Variants in DIP2A observed in about 807,000 individuals in gnomAD.
DIP2A encodes the protein DIP2 acetate--CoA ligase A.
Under a neutral mutation model 177.4 loss-of-function variants are expected in DIP2A, and 85 were observed. The ratio of observed to expected loss-of-function variants is 0.48; its 90% confidence interval spans 0.40 to 0.57. The LOEUF (loss-of-function observed/expected upper bound fraction) is 0.57, where lower values mean the gene tolerates loss of function less well. Among genes scored for constraint, DIP2A ranks in the 20% least tolerant of loss-of-function variants. The pLI, the probability that DIP2A is intolerant of heterozygous loss-of-function variation, is 0.00. For synonymous variants in DIP2A, 886 were observed against 881.8 expected (o/e 1.00, Z -0.08); for missense variants, 1,791 against 2,100.2 (o/e 0.85, Z 2.88).
chr21:46,566,730 TC>T (rs755968392), intron 37 of DIP2A, 47 bp downstream of exon 37: 5 of 1,610,808 alleles, frequency 3.1e-6, no homozygotes, highest in Non-Finnish European at 3.4e-6. Context: ...CTCCAGCCCT[TC>T]CTCTGGGCAT....
At position 46,551,653 on chromosome 21, in the gene DIP2A, G is replaced by A. The variant is rs1375299606; in HGVS notation, c.2859G>A (p.Met953Ile). 2.5e-6 allele frequency: 4 copies of A among 1,613,998 alleles called. No homozygotes were observed. The highest frequency in any genetic ancestry group is 3.4e-6 in the Non-Finnish European group (4 of 1,179,892). The change falls in exon 24 of 38, where the codon ATG becomes ATA. Residue 953 changes from methionine (M) to isoleucine (I), a missense_variant. Transcript: ENST00000417564. Reference protein sequence around the residue: ...QKQPEVGPASMIVGNLVAGKR... With the variant: ...QKQPEVGPASIIVGNLVAGKR... Reference sequence around the variant, plus strand: ...TTCTAGAGGTTGGACCAGCCTCAATGATCGTGGGGAACCTGGTTGCTGGGA... The same window carrying A: ...TTCTAGAGGTTGGACCAGCCTCAATAATCGTGGGGAACCTGGTTGCTGGGA...
the DIP2A span, among the ~76,000 whole-genome samples, chr21:46,580,743 C>A: frequency 6.6e-6 from 1 of 152,136 alleles, no homozygotes; most frequent in Admixed American, 6.5e-5. Context: ...GTTGGAAATT[C>A]TTTTCTTTAA....
intron 18 of DIP2A, 103 bp downstream of exon 18, chr21:46,541,998 G>C: frequency 7.1e-7 from 1 of 1,416,688 alleles, no homozygotes; most frequent in Non-Finnish European, 9.8e-7. Flanking sequence ...CACCAGGCTG[G>C]AGTGCAGTGG....
chr21:46,551,757 T>C lies in DIP2A; in HGVS notation c.2949+14T>C. ...CAGGCACGGAAGGTGACAGGCCAGT[T>C]CCGGGGACGGGTGGACGGGTGTCTG... On this transcript the variant is annotated intron_variant, in intron 24 of 37. Coordinates refer to ENST00000417564, the MANE Select transcript of DIP2A (RefSeq NM_015151.4). 1.2e-6 allele frequency: 2 copies of C among 1,613,834 alleles called. No individual in the cohort carries two copies. Among genetic ancestry groups the C allele is most frequent in the Non-Finnish European group, 1.7e-6 (2 of 1,179,860 alleles).
chr21:46,475,825 T>C (rs903100786), intron 1 of DIP2A, among the ~76,000 whole-genome samples: 1 of 152,236 alleles, frequency 6.6e-6, no homozygotes. Flanking sequence ...ATCATTTAAT[T>C]GCATTTCCAT....
chr21:46,529,236 T>C, intron 9 of DIP2A, 53 bp downstream of exon 9: 1 of 1,090,472 alleles, frequency 9.2e-7, no homozygotes, highest in South Asian at 1.5e-5. Flanking sequence ...GGGACTTAAA[T>C]AATCTGTTTC....
chr21:46,555,897 A>G, intron 28 of DIP2A, 85 bp from the exon 29 acceptor site: 2 of 1,011,862 alleles, frequency 2.0e-6, no homozygotes, highest in Non-Finnish European at 3.2e-6. Context: ...AGGACAAATC[A>G]TGTGTCGCCT....
chr21:46,548,848 C>T (rs1170803789), intron 21 of DIP2A, among the ~76,000 whole-genome samples: 1 of 152,220 alleles, frequency 6.6e-6, no homozygotes, highest in Non-Finnish European at 1.5e-5. Flanking sequence ...TCTGTATTCT[C>T]ACCATGGACC....
chr21:46,484,953 T>TCTG, intron 2 of DIP2A, 125 bp downstream of exon 2: 1 of 825,954 alleles, frequency 1.2e-6, no homozygotes, highest in Non-Finnish European at 1.8e-6. Flanking sequence ...CTGGTATATG[T>TCTG]TGATTATTGA....
intron 35 of DIP2A, 130 bp downstream of exon 35, chr21:46,564,062 G>T (rs743350): frequency 9.4e-7 from 1 of 1,062,118 alleles, no homozygotes; most frequent in Non-Finnish European, 1.3e-6. Context: ...TTTGGCCCTT[G>T]CCCCGTGTAC....
chr21:46,473,467 A>G (rs866458978), intron 1 of DIP2A, among the ~76,000 whole-genome samples: 1,647 of 117,986 alleles, frequency 0.014, 35 homozygotes, highest in African/African-American at 0.05. Context: ...GGAAAAAAAA[A>G]GGGGGGGGGG....
intron 1 of DIP2A, among the ~76,000 whole-genome samples, chr21:46,480,241 GA>G (rs1231654803): frequency 3.9e-5 from 6 of 152,140 alleles, no homozygotes; most frequent in African/African-American, 1.2e-4. Context: ...AGAAGATGAA[GA>G]AAGCAAAGGG....
chr21:46,531,698 A>G (rs2059363881), intron 9 of DIP2A, among the ~76,000 whole-genome samples: 1 of 152,212 alleles, frequency 6.6e-6, no homozygotes. Context: ...TATAAAAGTG[A>G]GCACAGCTCT....
chr21:46,519,970 G>T (rs1187222550), intron 8 of DIP2A, among the ~76,000 whole-genome samples: 3 of 139,496 alleles, frequency 2.2e-5, no homozygotes, highest in Non-Finnish European at 4.5e-5. Context: ...CGCCTCCAGG[G>T]TTCACGCCAT....
At position 46,560,739 on chromosome 21, in the gene DIP2A, C is replaced by G; in HGVS notation, c.3987C>G (p.Asp1329Glu). ...AICLQGTAGP[D>E]PTTVYVDMRA... ...CCTTCCAGGGCACAGCTGGCCCGGA[C>G]CCCACAACCGTCTACGTGGACATGC... Residue 1329 changes from aspartate to glutamate, a missense_variant, in exon 33 of 38, where the codon GAC becomes GAG. Coordinates refer to ENST00000417564, the MANE Select transcript of DIP2A (RefSeq NM_015151.4). 6.2e-7 allele frequency: 1 copy of G among 1,609,394 alleles called. No individual in the cohort carries two copies. Among genetic ancestry groups the G allele is most frequent in the Non-Finnish European group, 8.5e-7 (1 of 1,178,070 alleles).
At chr21:46,494,238 G>A (rs1383807678) in intron 3 of DIP2A, among the ~76,000 whole-genome samples, 2 of 152,214 alleles carry the variant, frequency 1.3e-5, no homozygotes, top group African/African-American at 4.8e-5. Context: ...TGGTTGGTAA[G>A]TGTTTTCAGC....
chr21:46,509,463 A>G (rs1601587125), intron 7 of DIP2A, 87 bp downstream of exon 7: 4 of 1,483,258 alleles, frequency 2.7e-6, no homozygotes, highest in Non-Finnish European at 3.6e-6. Context: ...TATATTATAC[A>G]TGGATATTGC....
At chr21:46,510,460 A>G (rs779577930) in intron 7 of DIP2A, among the ~76,000 whole-genome samples, 8 of 152,170 alleles carry the variant, frequency 5.3e-5, no homozygotes, top group Non-Finnish European at 1.0e-4. Flanking sequence ...GCCATCACAC[A>G]GTGCCTTTCA....
intron 18 of DIP2A, among the ~76,000 whole-genome samples, chr21:46,544,885 G>A (rs1351767795): frequency 1.3e-5 from 2 of 152,048 alleles, no homozygotes; most frequent in African/African-American, 4.8e-5. Context: ...TTGTCAGCCG[G>A]GGCTTATTAC....
Sources: allele counts gnomAD v4.1 joint callset (sites outside exome capture counted in the v4.1 genomes callset), GRCh38; gene constraint gnomAD v4.1.1; transcripts MANE v1.5; gene names NCBI Gene and HGNC (gene_info 2026-07-23, HGNC 2026-07-21).